Variants in CCND2 observed in about 807,000 individuals in gnomAD.
CCND2 encodes the protein G1/S-specific cyclin-D2.
In CCND2, 6 loss-of-function variants were observed where a neutral mutation model predicts 30.2. The observed-to-expected ratio is 0.20, with a 90% CI of 0.11 to 0.39. The LOEUF (loss-of-function observed/expected upper bound fraction) is 0.39. CCND2 is among the 10% of genes least tolerant of loss of function. The pLI is 1.00. For missense variants in CCND2, 235 were observed against 373.4 expected (o/e 0.63, Z 3.06); for synonymous variants, 150 against 153.1 (o/e 0.98, Z 0.15).
In CCND2 at chr12:4,301,472, CTT is replaced by C. The variant is rs772219810; in HGVS notation, c.*1478_*1479del. The C allele has an allele frequency of 9.4e-3, 1,899 of 202,668 alleles. No individual in the cohort carries two copies. The highest frequency in any genetic ancestry group is 0.02 in the Middle Eastern group (14 of 688). The allele number at this position is 202,668 out of a possible 1,614,324, so 12.6% of individuals were successfully genotyped here. ...GTTAGCAAAGAGGTTGGAGCAACAA[CTT>C]TTTTTTTTTTTTTTGCACAATTGTA... On this transcript the variant is annotated 3_prime_UTR_variant, in exon 5 of 5. Transcript: ENST00000261254.
At chr12:4,291,909 G>A (rs886691947) in intron 4 of CCND2, among the ~76,000 whole-genome samples, 4 of 152,140 alleles carry the variant, frequency 2.6e-5, no homozygotes, top group African/African-American at 7.2e-5. Flanking sequence ...AGTCAAATTC[G>A]TAGAGACAGA....
At chr12:4,296,903 G>A (rs907096825) in intron 4 of CCND2, among the ~76,000 whole-genome samples, 1 of 152,164 alleles carries the variant, frequency 6.6e-6, no homozygotes, top group Non-Finnish European at 1.5e-5. Context: ...GTGAGCACAG[G>A]GGGTGACGGA....
intron 4 of CCND2, among the ~76,000 whole-genome samples, chr12:4,297,059 T>G (rs1864179737): frequency 6.6e-6 from 1 of 152,200 alleles, no homozygotes; most frequent in Non-Finnish European, 1.5e-5. Flanking sequence ...GGGCTGTCCA[T>G]GTCTATCCCA....
intron 4 of CCND2, among the ~76,000 whole-genome samples, chr12:4,295,176 C>CA (rs1480767081): frequency 1.3e-5 from 2 of 152,246 alleles, no homozygotes; most frequent in Non-Finnish European, 2.9e-5. Flanking sequence ...AGGGAGAGGC[C>CA]AAGTTCTCTT....
intron 4 of CCND2, among the ~76,000 whole-genome samples, chr12:4,296,263 C>T (rs1864166938): frequency 6.6e-6 from 1 of 152,208 alleles, no homozygotes; most frequent in Non-Finnish European, 1.5e-5. Flanking sequence ...GTAAAAGATA[C>T]ATTAACCCAG....
At chr12:4,278,687 A>G in intron 2 of CCND2, 73 bp from the exon 3 acceptor site, 1 of 1,525,884 alleles carries the variant, frequency 6.6e-7, no homozygotes, top group South Asian at 1.2e-5. Flanking sequence ...CTGGAGCCCA[A>G]CCCCCAGCCC....
At position 4,274,782 on chromosome 12, in the gene CCND2, G is replaced by A. The variant is rs1038594872; in HGVS notation, c.195+547G>A. On this transcript the variant is annotated intron_variant, in intron 1 of 4. Coordinates refer to ENST00000261254, the MANE Select transcript of CCND2 (RefSeq NM_001759.4). The surrounding 1 kb of genome is among the most constrained non-coding windows in gnomAD (Gnocchi z 7.7). ...CCCGGAAGTCCCATTGAAGAAACGC[G>A]TGTTTCAGGGGAACCCAAAAGAACC... 1.3e-4 allele frequency among the ~76,000 whole-genome samples: 20 copies of A among 152,218 alleles called. No individual in the cohort carries two copies. Among genetic ancestry groups the A allele is most frequent in the Non-Finnish European group, 2.5e-4 (17 of 68,042 alleles).
chr12:4,288,715 C>T (rs1476198775), intron 3 of CCND2, 127 bp from the exon 4 acceptor site: 10 of 817,010 alleles, frequency 1.2e-5, no homozygotes, highest in Non-Finnish European at 2.0e-5. Flanking sequence ...GAGGACATGC[C>T]TGTAGGGCAC....
chr12:4,299,800 G>T lies in CCND2; in HGVS notation c.721-60G>T. 6.7e-7 allele frequency: 1 copy of T among 1,499,016 alleles called. No individual in the cohort carries two copies. 92.9% of individuals were successfully genotyped at this position (1,499,016 alleles called of 1,614,324 possible). On this transcript the variant is annotated intron_variant, in intron 4 of 4. Coordinates refer to ENST00000261254, the MANE Select transcript of CCND2 (RefSeq NM_001759.4). The surrounding 1 kb of genome is among the most constrained non-coding windows in gnomAD (Gnocchi z 5.2). The stretch of plus-strand genomic sequence containing the variant: ...AAGCTAAATTACGCATGTTTTCTCC[G>T]TAGGATGCTCTATGTCCTGTTCCTC...
chr12:4,284,977 C>T (rs572782326), intron 3 of CCND2, among the ~76,000 whole-genome samples: 1 of 152,288 alleles, frequency 6.6e-6, no homozygotes, highest in Admixed American at 6.5e-5. Flanking sequence ...CTCAGGTCAT[C>T]TGCCCACCTC....
In CCND2 at chr12:4,274,978, A is replaced by G. The variant is rs971107141; in HGVS notation, c.195+743A>G. The stretch of plus-strand genomic sequence containing the variant: ...CATTATCCCGGCCACCCCACTTCTA[A>G]TCGTGCCCTCTCCCCCACCCCCCAC... On this transcript the variant is annotated intron_variant, in intron 1 of 4. Coordinates refer to ENST00000261254, the MANE Select transcript of CCND2 (RefSeq NM_001759.4). The surrounding 1 kb of genome is among the most constrained non-coding windows in gnomAD (Gnocchi z 7.7). 4.0e-5 allele frequency: 6 copies of G among 151,706 alleles called. No homozygotes were observed. Among genetic ancestry groups the G allele is most frequent in the African/African-American group, 1.5e-4 (6 of 41,244 alleles). 9.4% of individuals were successfully genotyped at this position (151,706 alleles called of 1,614,324 possible). A position where few individuals can be genotyped will look rare whatever the true frequency, so the allele number is the denominator to read the frequency against.
chr12:4,293,978 G>A lies in CCND2; in HGVS notation c.720+4988G>A, dbSNP rs543462915. Among the ~76,000 whole-genome samples the A allele has an allele frequency of 5.8e-4, 88 of 152,268 alleles. No individual in the cohort carries two copies. Among genetic ancestry groups the A allele is most frequent in the Admixed American group, 1.2e-3 (18 of 15,304 alleles). On this transcript the variant is annotated intron_variant, in intron 4 of 4. Coordinates refer to ENST00000261254, the MANE Select transcript of CCND2 (RefSeq NM_001759.4). The surrounding 1 kb of genome is among the most constrained non-coding windows in gnomAD (Gnocchi z 4.9). Reference sequence around the variant, plus strand: ...GGTATGCAAGGAAATAAGCCAAACAGCCTGTGAAGAAAGGAAGAATGAGAT... The same window carrying A: ...GGTATGCAAGGAAATAAGCCAAACAACCTGTGAAGAAAGGAAGAATGAGAT...
In CCND2 at chr12:4,300,233, C is replaced by T. The variant is rs550967301; in HGVS notation, c.*224C>T. 1 of 468,682 alleles carries T rather than the reference C, an allele frequency of 2.1e-6. No individual in the cohort carries two copies. The highest frequency in any genetic ancestry group is 1.9e-5 in the African/African-American group (1 of 52,296). The allele number at this position is 468,682 out of a possible 1,614,324, so 29.0% of individuals were successfully genotyped here. On this transcript the variant is annotated 3_prime_UTR_variant, in exon 5 of 5. Transcript: ENST00000261254. ...TTTGAAGTACAGCATAAGGGAATCC[C>T]TTGTATATGCGAACAGTTATTGTTT...
chr12:4,276,355 A>C lies in CCND2; in HGVS notation c.411+135A>C. On this transcript the variant is annotated intron_variant, in intron 2 of 4. Transcript: ENST00000261254. This position sits in a 1 kb window ranked among gnomAD's most constrained non-coding sequence, Gnocchi z 4.8. ...CCCCACCAATAGAATTTACCCACTT[A>C]TGGGCGATAGCTCATTTAATAGGAA... 1 of 680,848 alleles carries C rather than the reference A, an allele frequency of 1.5e-6. No homozygotes were observed. The highest frequency in any genetic ancestry group is 2.5e-6 in the Non-Finnish European group (1 of 405,364). 42.2% of individuals were successfully genotyped at this position (680,848 alleles called of 1,614,324 possible).
In CCND2 at chr12:4,282,321, G is replaced by A. The variant is rs1259057629; in HGVS notation, c.571+3402G>A. 6.6e-6 allele frequency among the ~76,000 whole-genome samples: 1 copy of A among 152,090 alleles called. No homozygotes were observed. The highest frequency in any genetic ancestry group is 2.4e-5 in the African/African-American group (1 of 41,406). ...TAAGATGCTGCACCTTGGTATTTGT[G>A]CCACACACGGTAGCCACCCCCAGGC... On this transcript the variant is annotated intron_variant, in intron 3 of 4. Transcript: ENST00000261254. This position sits in a 1 kb window ranked among gnomAD's most constrained non-coding sequence, Gnocchi z 4.3.
chr12:4,277,174 G>A (rs1714430440), intron 2 of CCND2, among the ~76,000 whole-genome samples: 1 of 152,180 alleles, frequency 6.6e-6, no homozygotes, highest in Non-Finnish European at 1.5e-5. Context: ...TGTGGAGAGG[G>A]GCCTGAATGA....
chr12:4,301,655 A>AT lies in CCND2; in HGVS notation c.*1653dup, dbSNP rs1202063112. ...ACGGAAAACAATCTAAGGGTCTCTC[A>AT]TTTTTTTAATTTTGTTTTGTTCAGT... is the stretch of plus-strand genomic sequence containing the variant. On this transcript the variant is annotated 3_prime_UTR_variant, in exon 5 of 5. Coordinates refer to ENST00000261254, the MANE Select transcript of CCND2 (RefSeq NM_001759.4). 4 of 223,156 alleles carry AT rather than the reference A, an allele frequency of 1.8e-5. No homozygotes were observed. The highest frequency in any genetic ancestry group is 7.0e-5 in the African/African-American group (3 of 42,770). 13.8% of individuals were successfully genotyped at this position (223,156 alleles called of 1,614,324 possible). A position where few individuals can be genotyped will look rare whatever the true frequency, so the allele number is the denominator to read the frequency against.
rs1863908872 is a variant in CCND2, at chr12:4,278,868, C to G, written c.520C>G (p.Leu174Val). Residue 174 changes from leucine (L) to valine (V), a missense_variant, in exon 3 of 5, where the codon CTG becomes GTG. Transcript: ENST00000261254. ...CAAGCTGCCCCAGCAGCGGGAGAAG[C>G]TGTCTCTGATCCGCAAGCATGCTCA... ...LRKLPQQREK[L>V]SLIRKHAQTF... 5.0e-6 allele frequency: 8 copies of G among 1,614,070 alleles called. No individual in the cohort carries two copies. In the East Asian group the frequency reaches 1.8e-4, roughly 36 times the overall value.
At position 4,285,246 on chromosome 12, in the gene CCND2, T is replaced by G; in HGVS notation, c.572-3596T>G. On this transcript the variant is annotated intron_variant, in intron 3 of 4. Coordinates refer to ENST00000261254, the MANE Select transcript of CCND2 (RefSeq NM_001759.4). This position sits in a 1 kb window ranked among gnomAD's most constrained non-coding sequence, Gnocchi z 4.1. ...TGAGTCGATCAGAATGGATCGCTGA[T>G]CGGTTCATTGCCTCTCTCTCTGCTG... 1 of 979,800 alleles carries G rather than the reference T, an allele frequency of 1.0e-6. No individual in the cohort carries two copies. Among genetic ancestry groups the G allele is most frequent in the Non-Finnish European group, 1.2e-6 (1 of 824,846 alleles). 60.7% of individuals were successfully genotyped at this position (979,800 alleles called of 1,614,324 possible).
Sources: gnomAD v4.1 joint callset for allele counts (sites outside exome capture counted in the v4.1 genomes callset) on GRCh38, gnomAD v4.1.1 for gene constraint, Gnocchi (gnomAD v3.1) non-coding constraint, MANE v1.5 for transcripts, NCBI Gene and HGNC (gene_info 2026-07-23, HGNC 2026-07-21) for gene names.